The following GPHN variants were observed in gnomAD, a reference collection of about 807,000 sequenced individuals.
GPHN encodes gephyrin.
In GPHN, 17 loss-of-function variants were observed where a neutral mutation model predicts 95.5. That is an observed-to-expected ratio of 0.18 (90% CI 0.12 to 0.27). The LOEUF (loss-of-function observed/expected upper bound fraction) is 0.27. Ranked by LOEUF, GPHN falls within the 10% of genes least tolerant of loss-of-function variation. GPHN has a pLI of 1.00. For missense variants in GPHN, 660 were observed against 978.1 expected (o/e 0.67, Z 4.34); for synonymous variants, 320 against 322.5 (o/e 0.99, Z 0.08).
At chr14:66,885,353 G>C (rs558593117) in intron 5 of GPHN, among the ~76,000 whole-genome samples, 40 of 152,222 alleles carry the variant, frequency 2.6e-4, no homozygotes, top group African/African-American at 9.4e-4. Flanking sequence ...TGGCTTACTG[G>C]AAAAGACTTG....
At chr14:67,088,829 T>G (rs529863641) in intron 11 of GPHN, among the ~76,000 whole-genome samples, 154 bp from the exon 12 acceptor site, 1 of 152,312 alleles carries the variant, frequency 6.6e-6, no homozygotes, top group South Asian at 2.1e-4. Context: ...AATGCATCTC[T>G]TCTATCTCCT....
At chr14:67,495,982 C>G in the GPHN span, among the ~76,000 whole-genome samples, 1 of 152,224 alleles carries the variant, frequency 6.6e-6, no homozygotes, top group African/African-American at 2.4e-5. Flanking sequence ...CAGGCACAGC[C>G]TCCTCCTCAG....
intron 1 of GPHN, among the ~76,000 whole-genome samples, chr14:66,554,158 T>C (rs1440135018): frequency 6.6e-6 from 1 of 152,190 alleles, no homozygotes; most frequent in African/African-American, 2.4e-5. Context: ...GTTTTTATGC[T>C]TGAAAATAGC....
chr14:67,291,191 C>T, the GPHN span, among the ~76,000 whole-genome samples: 2 of 149,896 alleles, frequency 1.3e-5, no homozygotes, highest in South Asian at 2.1e-4. Context: ...TGTGCATGTA[C>T]ACTCACACAG....
chr14:67,614,571 C>G, the GPHN span, among the ~76,000 whole-genome samples: 6 of 151,322 alleles, frequency 4.0e-5, no homozygotes, highest in South Asian at 1.3e-3. Context: ...TAAGACCAGT[C>G]TAGGCAGCAT....
intron 1 of GPHN, among the ~76,000 whole-genome samples, chr14:66,587,373 T>C (rs1369686971): frequency 6.6e-6 from 1 of 152,214 alleles, no homozygotes. Flanking sequence ...TCTTTCAAAC[T>C]ATTTTAAGAG....
Position 66,591,240 on chromosome 14 carries a change from T to C in GPHN, c.64+82649T>C, listed in dbSNP as rs111294479. On this transcript the variant is annotated intron_variant, in intron 1 of 22. Transcript: ENST00000478722. ...AGCTGGAAGCATTCCCTTTGAAAAC[T>C]GGCACAAGGCAAGGATGCCCTCTCT... is the stretch of plus-strand genomic sequence containing the variant. Among the ~76,000 whole-genome samples the C allele has an allele frequency of 3.6e-3, 553 of 152,270 alleles. 10 individuals are homozygous for C. Among genetic ancestry groups the C allele is most frequent in the African/African-American group, 0.013 (527 of 41,556 alleles).
At chr14:67,724,345 G>T in the GPHN span, 3 of 765,184 alleles carry the variant, frequency 3.9e-6, no homozygotes, top group East Asian at 7.8e-5. Flanking sequence ...GCTTTTATGA[G>T]TCTCCTGACT....
intron 1 of GPHN, among the ~76,000 whole-genome samples, chr14:66,665,193 C>T (rs533165331): frequency 1.3e-5 from 2 of 152,080 alleles, no homozygotes; most frequent in Non-Finnish European, 2.9e-5. Flanking sequence ...AAGAAAACTT[C>T]AGGCCAATAT....
At chr14:67,697,694 A>G in the GPHN span, among the ~76,000 whole-genome samples, 1 of 128,776 alleles carries the variant, frequency 7.8e-6, no homozygotes. Flanking sequence ...GTGTTCCATG[A>G]GAGGGCCCTA....
the GPHN span, among the ~76,000 whole-genome samples, chr14:67,510,416 C>T: frequency 0.023 from 3,505 of 152,216 alleles, 141 homozygotes; most frequent in East Asian, 0.14. Flanking sequence ...ACCTAGAAAT[C>T]GGGGTATCTG....
At chr14:67,031,557 A>G (rs2074198201) in intron 10 of GPHN, among the ~76,000 whole-genome samples, 1 of 152,094 alleles carries the variant, frequency 6.6e-6, no homozygotes, top group African/African-American at 2.4e-5. Flanking sequence ...CAACTTATTC[A>G]ATTTTCCTTG....
chr14:67,119,941 C>T lies in GPHN; in HGVS notation c.1627-2315C>T, dbSNP rs2078918528. ...GGTCAGGAGTTCAAGACCAGCCTGGCCAACATGGCAAACCCCCGTCTCTAC... is the reference window on the plus strand; with the variant it reads ...GGTCAGGAGTTCAAGACCAGCCTGGTCAACATGGCAAACCCCCGTCTCTAC... On this transcript the variant is annotated intron_variant, in intron 16 of 22. Coordinates refer to ENST00000478722, the MANE Select transcript of GPHN (RefSeq NM_020806.5). Among the ~76,000 whole-genome samples the T allele has an allele frequency of 2.6e-5, 4 of 152,060 alleles. No individual in the cohort carries two copies. The South Asian group carries it at 8.3e-4, about 32-fold the overall frequency.
intron 13 of GPHN, among the ~76,000 whole-genome samples, chr14:67,104,281 A>C (rs1274247539): frequency 1.3e-5 from 2 of 152,106 alleles, no homozygotes; most frequent in Non-Finnish European, 2.9e-5. Context: ...TGTTTTATTA[A>C]GCATTTTTGC....
intron 19 of GPHN, among the ~76,000 whole-genome samples, chr14:67,161,353 G>A (rs1448136075): frequency 1.3e-5 from 2 of 151,554 alleles, no homozygotes; most frequent in East Asian, 1.9e-4. Context: ...CGCAAATATT[G>A]TTATGCTATT....
At chr14:67,062,010 A>G (rs1852901853) in intron 11 of GPHN, among the ~76,000 whole-genome samples, 1 of 152,142 alleles carries the variant, frequency 6.6e-6, no homozygotes, top group South Asian at 2.1e-4. Flanking sequence ...CACCTTCTTC[A>G]TATGTTTTGT....
chr14:66,637,200 T>C (rs2064147103), intron 1 of GPHN, among the ~76,000 whole-genome samples: 1 of 152,168 alleles, frequency 6.6e-6, no homozygotes, highest in African/African-American at 2.4e-5. Flanking sequence ...GTGATTTGAC[T>C]TATAGTTAAT....
Position 67,080,576 on chromosome 14 carries a change from T to G in GPHN, c.1145-8407T>G, listed in dbSNP as rs112585816. 6.1e-4 allele frequency among the ~76,000 whole-genome samples: 93 copies of G among 152,208 alleles called. 2 individuals carry two copies. The highest frequency in any genetic ancestry group is 2.0e-3 in the African/African-American group (82 of 41,530). On this transcript the variant is annotated intron_variant, in intron 11 of 22. Transcript: ENST00000478722. ...GGTCTTTAATGCAGGTTGAGTTAAT[T>G]TTCTTTGTTGTTGTTTTTTTCACTG...
At chr14:66,782,039 A>G (rs923744711) in intron 3 of GPHN, among the ~76,000 whole-genome samples, 7 of 152,158 alleles carry the variant, frequency 4.6e-5, no homozygotes, top group Non-Finnish European at 8.8e-5. Flanking sequence ...TCTGCAATGT[A>G]TATTACTATA....
Sources: allele counts gnomAD v4.1 joint callset (sites outside exome capture counted in the v4.1 genomes callset), GRCh38; gene constraint gnomAD v4.1.1; transcripts MANE v1.5; gene names NCBI Gene and HGNC (gene_info 2026-07-23, HGNC 2026-07-21).